FANCI: variants seen among roughly 807,000 people sequenced by gnomAD.
FANCI encodes FA complementation group I, also known as Fanconi anemia group I protein.
Under a neutral mutation model 176.1 loss-of-function variants are expected in FANCI, and 156 were observed. The ratio of observed to expected loss-of-function variants is 0.89; its 90% CI spans 0.78 to 1.01. The LOEUF is 1.01. Among genes scored for constraint, FANCI ranks in the 50% least tolerant of loss-of-function variants. The pLI, the probability that FANCI is intolerant of heterozygous loss-of-function variation, is 0.00. For missense variants in FANCI, 1,678 were observed against 1,534.1 expected (o/e 1.09, Z -1.57); for synonymous variants, 613 against 541.7 (o/e 1.13, Z -1.83).
In FANCI at chr15:89,281,300, G is replaced by A. The variant is rs377762481; in HGVS notation, c.1512G>A (p.Gln504=). ...QTVQRLLKAV[Q]PLLKVSMSMR... ...TACAAAGGCTGCTTAAGGCAGTGCAGGTAAGTCTTCAGATTCCCAAGTAAC... is the reference window on the plus strand; with the variant it reads ...TACAAAGGCTGCTTAAGGCAGTGCAAGTAAGTCTTCAGATTCCCAAGTAAC... Residue 504 remains glutamine, a splice_region_variant and synonymous_variant, in exon 15 of 38, where the codon CAG becomes CAA. Coordinates refer to ENST00000310775, the MANE Select transcript of FANCI (RefSeq NM_001113378.2). The A allele has an allele frequency of 1.2e-6, 2 of 1,613,620 alleles. No individual in the cohort carries two copies. Among genetic ancestry groups the A allele is most frequent in the South Asian group, 1.1e-5 (1 of 91,062 alleles).
Position 89,279,255 on chromosome 15 carries a change from T to G in FANCI, c.1381+481T>G, listed in dbSNP as rs374725566. On this transcript the variant is annotated intron_variant, in intron 14 of 37. Transcript: ENST00000310775. ...TCACTGCAACCTCTGCCTCCTGGGT[T>G]CACGCAGTTCTCGTGTCTCAGCCTC... Among the ~76,000 whole-genome samples the G allele has an allele frequency of 6.6e-5, 10 of 152,352 alleles. No individual in the cohort carries two copies. In the South Asian group the frequency reaches 2.1e-3, roughly 32 times the overall value.
At chr15:89,265,973 A>G (rs1323841910) in intron 9 of FANCI, among the ~76,000 whole-genome samples, 2 of 150,742 alleles carry the variant, frequency 1.3e-5, no homozygotes, top group Non-Finnish European at 3.0e-5. Context: ...GGCTTGAGCA[A>G]TTTATTAGAG....
In FANCI at chr15:89,305,418, T is replaced by A. The variant is rs1596324771; in HGVS notation, c.3255+9T>A. Reference sequence around the variant, plus strand: ...CTGCCCCCACTGTCTGTGTAAGTGTTGTACCTGAGCCATGGGGAATAGCTT... The same window carrying A: ...CTGCCCCCACTGTCTGTGTAAGTGTAGTACCTGAGCCATGGGGAATAGCTT... On this transcript the variant is annotated intron_variant, in intron 30 of 37. Transcript: ENST00000310775. 9.3e-6 allele frequency: 15 copies of A among 1,613,250 alleles called. No homozygotes were observed. The highest frequency in any genetic ancestry group is 1.3e-5 in the African/African-American group (1 of 74,912).
chr15:89,313,713 A>C (rs1439363543), intron 35 of FANCI, among the ~76,000 whole-genome samples: 2 of 152,196 alleles, frequency 1.3e-5, no homozygotes, highest in Non-Finnish European at 2.9e-5. Context: ...TGGTCCTCAC[A>C]ACATTATTTA....
chr15:89,305,650 T>G lies in FANCI; in HGVS notation c.3301T>G (p.Trp1101Gly). The G allele has an allele frequency of 2.5e-6, 4 of 1,614,238 alleles. No homozygotes were observed. The highest frequency in any genetic ancestry group is 3.4e-6 in the Non-Finnish European group (4 of 1,180,036). The change falls in exon 31 of 38, where the codon TGG (tryptophan) becomes GGG (glycine). Residue 1101 changes from tryptophan to glycine, a missense_variant. Physicochemically the swap from Trp to Gly is radical, Grantham distance 184. Transcript: ENST00000310775. ...QAEKVLEEVD[W>G]LITKLKGQVS... is the part of the protein sequence containing the mutation. ...CGAGAAGGTTCTAGAAGAAGTGGAC[T>G]GGCTAATCACCAAGCTTAAGGGACA...
At position 89,268,251 on chromosome 15, in the gene FANCI, T is replaced by C. The variant is rs7497351; in HGVS notation, c.756-148T>C. ...CTGGGACTATAGGAATGCCACCACATCGGGCTGATTTTTTTGTATTTTTAG... is the reference window on the plus strand; with the variant it reads ...CTGGGACTATAGGAATGCCACCACACCGGGCTGATTTTTTTGTATTTTTAG... On this transcript the variant is annotated intron_variant, in intron 9 of 37. Transcript: ENST00000310775. The C allele has an allele frequency of 0.41, 328,181 of 799,228 alleles. 69,942 individuals carry two copies. The highest frequency in any genetic ancestry group is 0.64 in the African/African-American group (37,686 of 59,114). The allele number at this position is 799,228 out of a possible 1,614,324, so 49.5% of individuals were successfully genotyped here.
intron 9 of FANCI, among the ~76,000 whole-genome samples, chr15:89,267,401 A>T (rs2053014451): frequency 6.6e-6 from 1 of 151,740 alleles, no homozygotes; most frequent in Admixed American, 6.6e-5. Context: ...AAATTTTTCA[A>T]GAAAGAAGTA....
intron 24 of FANCI, among the ~76,000 whole-genome samples, chr15:89,296,264 CT>C (rs1327538930): frequency 2.1e-5 from 1 of 48,602 alleles, no homozygotes; most frequent in Non-Finnish European, 3.8e-5. Flanking sequence ...GCACCTGGCC[CT>C]TATTTTTTTT....
intron 34 of FANCI, chr15:89,307,894 A>G: frequency 5.6e-6 from 8 of 1,419,980 alleles, no homozygotes; most frequent in South Asian, 1.5e-5. Context: ...AAGGAAGCAT[A>G]TATGTTTGCA....
At position 89,316,804 on chromosome 15, in the gene FANCI, T is replaced by G. The variant is rs148786642; in HGVS notation, c.*345T>G. The G allele has an allele frequency of 4.3e-6, 7 of 1,613,910 alleles. No homozygotes were observed. Among genetic ancestry groups the G allele is most frequent in the Non-Finnish European group, 5.9e-6 (7 of 1,179,806 alleles). Reference sequence around the variant, plus strand: ...AAGGAGCCTTTGGTGAGTTCAATTATCTGGTAAATATCCAGCGCTTCACCT... The same window carrying G: ...AAGGAGCCTTTGGTGAGTTCAATTAGCTGGTAAATATCCAGCGCTTCACCT... On this transcript the variant is annotated 3_prime_UTR_variant, in exon 38 of 38. Coordinates refer to ENST00000310775, the MANE Select transcript of FANCI (RefSeq NM_001113378.2).
chr15:89,290,393 A>T (rs1008793042), intron 19 of FANCI, 112 bp downstream of exon 19: 3 of 834,162 alleles, frequency 3.6e-6, no homozygotes, highest in African/African-American at 1.7e-5. Flanking sequence ...GTACATTAGT[A>T]CTTTGTGAAC....
chr15:89,254,126 C>T (rs762688496), intron 2 of FANCI, among the ~76,000 whole-genome samples: 6 of 152,080 alleles, frequency 3.9e-5, no homozygotes, highest in Non-Finnish European at 7.3e-5. Context: ...TGGGAAACTG[C>T]GTGGGTGGAT....
chr15:89,302,326 G>T (rs2054553277), intron 27 of FANCI, among the ~76,000 whole-genome samples: 1 of 152,080 alleles, frequency 6.6e-6, no homozygotes, highest in Admixed American at 6.5e-5. Context: ...GTTCCAAACA[G>T]CTCACCCCCA....
At chr15:89,261,961 G>C in intron 6 of FANCI, 83 bp downstream of exon 6, 1 of 999,212 alleles carries the variant, frequency 1.0e-6, no homozygotes, top group South Asian at 1.4e-5. Context: ...TTTATGTCTG[G>C]AGGTTTTAAG....
chr15:89,257,502 C>A (rs1363319818), intron 2 of FANCI, among the ~76,000 whole-genome samples: 1 of 152,146 alleles, frequency 6.6e-6, no homozygotes, highest in Admixed American at 6.5e-5. Flanking sequence ...TTGTTGGCAA[C>A]CTTTAGCATT....
intron 32 of FANCI, among the ~76,000 whole-genome samples, chr15:89,306,551 G>A (rs1287830419): frequency 6.6e-6 from 1 of 152,072 alleles, no homozygotes; most frequent in Non-Finnish European, 1.5e-5. Flanking sequence ...AAGTAGCTGG[G>A]CGTGGTGGTG....
chr15:89,282,983 C>G, intron 16 of FANCI, 153 bp from the exon 17 acceptor site: 1 of 763,732 alleles, frequency 1.3e-6, no homozygotes, highest in Non-Finnish European at 2.2e-6. Flanking sequence ...CAGCTGATAC[C>G]TTATTTTGAG....
intron 32 of FANCI, among the ~76,000 whole-genome samples, chr15:89,306,514 AAACC>A (rs2054725360): frequency 6.6e-6 from 1 of 152,080 alleles, no homozygotes; most frequent in Non-Finnish European, 1.5e-5. Context: ...CAACATGGTG[AAACC>A]CCGTCTCTAC....
chr15:89,274,540 T>G (rs996027456), intron 12 of FANCI, among the ~76,000 whole-genome samples: 1 of 151,944 alleles, frequency 6.6e-6, no homozygotes, highest in Non-Finnish European at 1.5e-5. Flanking sequence ...CAAAACTGAA[T>G]TAGTTGCTTT....
Sources: gnomAD v4.1 joint callset for allele counts (sites outside exome capture counted in the v4.1 genomes callset) on GRCh38, gnomAD v4.1.1 for gene constraint, MANE v1.5 for transcripts, NCBI Gene and HGNC (gene_info 2026-07-23, HGNC 2026-07-21) for gene names.